GCFC2: variants seen among roughly 807,000 people sequenced by gnomAD.
GCFC2 encodes intron Large complex component GCFC2.
A neutral mutation model predicts 99.4 loss-of-function variants in GCFC2; 102 were observed. The ratio of observed to expected loss-of-function variants is 1.03; its 90% CI spans 0.87 to 1.21. GCFC2 has a LOEUF of 1.21. GCFC2 is among the 50% of genes most tolerant of loss of function. The pLI is 0.00. For synonymous variants in GCFC2, 338 were observed against 316.8 expected (o/e 1.07, Z -0.71); for missense variants, 973 against 920.9 (o/e 1.06, Z -0.73).
chr2:75,673,809 T>C (rs545599664), intron 12 of GCFC2, among the ~76,000 whole-genome samples: 2 of 152,352 alleles, frequency 1.3e-5, no homozygotes, highest in Non-Finnish European at 2.9e-5. Flanking sequence ...ATAAAAATTC[T>C]TGTACATGTC....
At position 75,692,088 on chromosome 2, in the gene GCFC2, G is replaced by T; in HGVS notation, c.1033C>A (p.Gln345Lys). The T allele has an allele frequency of 6.8e-7, 1 of 1,478,972 alleles. No homozygotes were observed. Among genetic ancestry groups the T allele is most frequent in the African/African-American group, 1.4e-5 (1 of 71,738 alleles). The allele number at this position is 1,478,972 out of a possible 1,614,324, so 91.6% of individuals were successfully genotyped here. ...DCLNEKIINI[Q>K]EIESSMHALL... ...GCATGCATGGATGATTCTATTTCTT[G>T]GATGTTGATAATCTGAAATACACAT... The change falls in exon 7 of 17, where the codon CAA (glutamine) becomes AAA (lysine). Residue 345 changes from glutamine (Q) to lysine (K), a missense_variant. Coordinates refer to ENST00000321027, the MANE Select transcript of GCFC2 (RefSeq NM_003203.5).
rs1558751119 is a variant in GCFC2, at chr2:75,701,211, C to T, written c.696G>A (p.Arg232=). The T allele has an allele frequency of 6.3e-7, 1 of 1,585,048 alleles. No homozygotes were observed. The highest frequency in any genetic ancestry group is 1.1e-5 in the South Asian group (1 of 90,444). The change falls in exon 4 of 17, where the codon AGG becomes AGA. Residue 232 remains arginine (R), a synonymous_variant. Coordinates refer to ENST00000321027, the MANE Select transcript of GCFC2 (RefSeq NM_003203.5). ...TTACCTCTATGATTTTAACTGCTTT[C>T]CTCATTTGCTGTTGTTCCCAAGTAT... ...KQDTWEQQQM[R]KAVKIIEERD...
At chr2:75,711,031 T>A, upstream of GCFC2, 1 of 1,337,618 alleles carries the variant, frequency 7.5e-7, no homozygotes, top group Non-Finnish European at 9.5e-7. Context: ...GCTCCCTGGA[T>A]CTGGTAGGCC....
intron 12 of GCFC2, among the ~76,000 whole-genome samples, chr2:75,676,862 C>A (rs1679366419): frequency 6.6e-6 from 1 of 152,210 alleles, no homozygotes; most frequent in African/African-American, 2.4e-5. Context: ...TCTAATTCTA[C>A]CATCCACAAG....
upstream of GCFC2, among the ~76,000 whole-genome samples, chr2:75,712,172 T>G (rs1039047625): frequency 3.4e-5 from 4 of 116,482 alleles, 1 homozygote; most frequent in Non-Finnish European, 6.4e-5. Context: ...GGTTTATGAG[T>G]GCACCAATCG....
At chr2:75,700,056 A>G (rs2104392151) in intron 4 of GCFC2, among the ~76,000 whole-genome samples, 1 of 152,128 alleles carries the variant, frequency 6.6e-6, no homozygotes, top group South Asian at 2.1e-4. Context: ...GTGTGCCACC[A>G]TGACTGGCTA....
chr2:75,687,954 C>G lies in GCFC2; in HGVS notation c.1563G>C (p.Glu521Asp). The G allele has an allele frequency of 6.3e-7, 1 of 1,594,804 alleles. No individual in the cohort carries two copies. The highest frequency in any genetic ancestry group is 8.5e-7 in the Non-Finnish European group (1 of 1,169,694). Residue 521 changes from glutamate (E) to aspartate (D), a missense_variant, in exon 11 of 17, where the codon GAG (glutamate) becomes GAC (aspartate). Transcript: ENST00000321027. ...CTTCTACAGATTTGAACCATGGCAT[C>G]TCTTTTAAACCTGTGGATTCCAACT... ...PLKLESTGLKEMPWFKSVEEF... is the reference protein window; with the variant it reads ...PLKLESTGLKDMPWFKSVEEF...
chr2:75,676,578 T>C (rs982659491), intron 12 of GCFC2, among the ~76,000 whole-genome samples: 2 of 152,128 alleles, frequency 1.3e-5, no homozygotes, highest in African/African-American at 4.8e-5. Flanking sequence ...AATCTGTGGG[T>C]ATTATCACCA....
At chr2:75,673,397 T>A (rs1274588158) in intron 13 of GCFC2, 47 bp downstream of exon 13, 6 of 812,944 alleles carry the variant, frequency 7.4e-6, no homozygotes, top group Non-Finnish European at 1.3e-5. Context: ...CAAATCTGTA[T>A]TCTATGATCA....
chr2:75,710,864 C>T lies in GCFC2; in HGVS notation c.-9G>A, dbSNP rs370450658. ...TTCGGCCTGTGAGCCATGGCCGAGG[C>T]CCGAGCGCCCGGCGCCCTAGAACCC... On this transcript the variant is annotated 5_prime_UTR_variant, in exon 1 of 17. Coordinates refer to ENST00000321027, the MANE Select transcript of GCFC2 (RefSeq NM_003203.5). 310 of 1,541,798 alleles carry T rather than the reference C, an allele frequency of 2.0e-4. 1 individual carries two copies. Among genetic ancestry groups the T allele is most frequent in the Non-Finnish European group, 2.5e-4 (287 of 1,150,866 alleles).
intron 10 of GCFC2, 84 bp from the exon 11 acceptor site, chr2:75,688,061 A>T (rs1679899325): frequency 2.5e-6 from 2 of 814,664 alleles, no homozygotes; most frequent in South Asian, 1.9e-5. Context: ...TTCAATAATC[A>T]CCAGAGCTTT....
At chr2:75,672,322 TA>T (rs1287087313) in intron 13 of GCFC2, among the ~76,000 whole-genome samples, 2 of 138,864 alleles carry the variant, frequency 1.4e-5, no homozygotes, top group Non-Finnish European at 3.1e-5. Context: ...AATATGTTTA[TA>T]AAATATATAT....
chr2:75,701,079 G>T, intron 4 of GCFC2, 111 bp downstream of exon 4: 1 of 643,490 alleles, frequency 1.6e-6, no homozygotes, highest in Non-Finnish European at 2.7e-6. Context: ...TTCAGATTTT[G>T]GCCTCCACGC....
At position 75,710,745 on chromosome 2, in the gene GCFC2, G is replaced by A. The variant is rs765575687; in HGVS notation, c.111C>T (p.Val37=). The change falls in exon 1 of 17, where the codon GTC becomes GTT. Residue 37 remains valine, a synonymous_variant. Transcript: ENST00000321027. ...GCGGCTCTTCCTCCGCAGAACCCGG[G>A]ACCGGAAGTTCCCTCGGCGCCCCAG... ...AEPGAPRELP[V]PGSAEEEPPS... 2.6e-6 allele frequency: 4 copies of A among 1,563,300 alleles called. No individual in the cohort carries two copies. In the East Asian group the frequency reaches 7.3e-5, roughly 28 times the overall value.
intron 11 of GCFC2, among the ~76,000 whole-genome samples, chr2:75,682,277 C>T (rs1279290648): frequency 1.3e-5 from 2 of 151,846 alleles, no homozygotes; most frequent in African/African-American, 2.4e-5. Context: ...TGTTCTGCAG[C>T]CTCCGCTGGT....
rs367854658 is a variant in GCFC2, at chr2:75,694,262, T to C, written c.999A>G (p.Leu333=). Residue 333 remains leucine (L), a synonymous_variant, in exon 6 of 17, where the codon TTA becomes TTG. Coordinates refer to ENST00000321027, the MANE Select transcript of GCFC2 (RefSeq NM_003203.5). The part of the protein sequence containing the change: ...YKSMKIYVEN[L]IDCLNEKIIN... ...GTACCTTTTCATTAAGGCAGTCAAT[T>C]AAATTTTCCACATAAATTTTCATGC... 4.8e-6 allele frequency: 5 copies of C among 1,038,768 alleles called. No homozygotes were observed. Among genetic ancestry groups the C allele is most frequent in the African/African-American group, 1.6e-5 (1 of 62,230 alleles). The allele number at this position is 1,038,768 out of a possible 1,614,324, so 64.3% of individuals were successfully genotyped here.
chr2:75,683,843 A>ACTTTAAGC (rs1353014420), intron 11 of GCFC2, among the ~76,000 whole-genome samples: 3 of 152,050 alleles, frequency 2.0e-5, no homozygotes, highest in Non-Finnish European at 4.4e-5. Context: ...GATAAAACAG[A>ACTTTAAGC]CTTTAAGCCA....
intron 4 of GCFC2, among the ~76,000 whole-genome samples, chr2:75,698,596 T>C (rs1319241957): frequency 6.6e-6 from 1 of 152,178 alleles, no homozygotes; most frequent in African/African-American, 2.4e-5. Flanking sequence ...TCCTAAACTG[T>C]GTGCAAAGGC....
intron 9 of GCFC2, 108 bp from the exon 10 acceptor site, chr2:75,689,333 C>T: frequency 1.7e-6 from 1 of 581,120 alleles, no homozygotes; most frequent in Non-Finnish European, 3.0e-6. Flanking sequence ...AAAATTTGTC[C>T]TTTTATATTA....
Sources: gnomAD v4.1 joint callset for allele counts (sites outside exome capture counted in the v4.1 genomes callset) on GRCh38, gnomAD v4.1.1 for gene constraint, MANE v1.5 for transcripts, NCBI Gene and HGNC (gene_info 2026-07-23, HGNC 2026-07-21) for gene names.